Variants in NRXN1 observed in about 807,000 individuals in gnomAD.
The protein encoded by NRXN1 is neurexin-1.
In NRXN1, 39 loss-of-function variants were observed where a neutral mutation model predicts 150.9. The ratio of observed to expected loss-of-function variants is 0.26; its 90% CI spans 0.20 to 0.34. The LOEUF (loss-of-function observed/expected upper bound fraction) is 0.34. Ranked by LOEUF, NRXN1 falls within the 10% of genes least tolerant of loss-of-function variation. The pLI is 1.00. For missense variants in NRXN1, 1,815 were observed against 1,949.9 expected (o/e 0.93, Z 1.30); for synonymous variants, 924 against 757.0 (o/e 1.22, Z -3.62).
chr2:50,463,338 A>C (rs1048381609), intron 17 of NRXN1, among the ~76,000 whole-genome samples: 2 of 151,852 alleles, frequency 1.3e-5, no homozygotes, highest in Non-Finnish European at 2.9e-5. Flanking sequence ...TTTGCTTTTG[A>C]ATATTGATTT....
intron 18 of NRXN1, among the ~76,000 whole-genome samples, chr2:50,141,625 C>T (rs190303327): frequency 9.3e-4 from 142 of 152,028 alleles, no homozygotes; most frequent in African/African-American, 3.3e-3. Context: ...GCCAAATAAA[C>T]ACGTTAAAGA....
chr2:50,515,355 CA>C (rs1443906297), intron 12 of NRXN1, among the ~76,000 whole-genome samples: 2 of 152,054 alleles, frequency 1.3e-5, no homozygotes, highest in African/African-American at 4.8e-5. Context: ...TTATATATTA[CA>C]ATGTAATAGT....
At chr2:50,887,974 A>G (rs1183982683) in intron 5 of NRXN1, among the ~76,000 whole-genome samples, 1 of 151,308 alleles carries the variant, frequency 6.6e-6, no homozygotes, top group Non-Finnish European at 1.5e-5. Context: ...AAAAAAAAAA[A>G]AAAGTAGAAG....
At chr2:50,734,718 A>C (rs1466228834) in intron 5 of NRXN1, among the ~76,000 whole-genome samples, 1 of 152,122 alleles carries the variant, frequency 6.6e-6, no homozygotes, top group Non-Finnish European at 1.5e-5. Flanking sequence ...CTAGGAAAAA[A>C]AAAAAATAAA....
At chr2:50,874,956 AC>A (rs1678352717) in intron 5 of NRXN1, among the ~76,000 whole-genome samples, 1 of 151,856 alleles carries the variant, frequency 6.6e-6, no homozygotes, top group Admixed American at 6.6e-5. Flanking sequence ...AACCACAATT[AC>A]AAAGTATGTA....
At chr2:50,950,538 G>A (rs2104578911) in intron 2 of NRXN1, among the ~76,000 whole-genome samples, 1 of 152,212 alleles carries the variant, frequency 6.6e-6, no homozygotes, top group African/African-American at 2.4e-5. Context: ...TCTCACCTTT[G>A]TTGCTATTAA....
intron 17 of NRXN1, among the ~76,000 whole-genome samples, chr2:50,371,223 C>A (rs573644036): frequency 1.9e-4 from 29 of 152,102 alleles, no homozygotes; most frequent in Non-Finnish European, 4.0e-4. Context: ...CCCACACAAA[C>A]CTTCTGTGCT....
chr2:50,244,288 T>A (rs1338038474), intron 17 of NRXN1, among the ~76,000 whole-genome samples: 1 of 151,788 alleles, frequency 6.6e-6, no homozygotes, highest in Non-Finnish European at 1.5e-5. Flanking sequence ...CTTGTCAATA[T>A]CCTAGACATT....
chr2:50,788,472 C>G (rs781777566), intron 5 of NRXN1, among the ~76,000 whole-genome samples: 2 of 152,020 alleles, frequency 1.3e-5, no homozygotes, highest in Non-Finnish European at 2.9e-5. Context: ...AAACTTGTTT[C>G]CATGAGTCTG....
rs372713082 is a variant in NRXN1, at chr2:50,497,740, A to G, written c.2498-26T>C. The G allele has an allele frequency of 1.9e-6, 3 of 1,562,530 alleles. No homozygotes were observed. In the African/African-American group the frequency reaches 4.1e-5, roughly 21 times the overall value. The stretch of plus-strand genomic sequence containing the variant: ...CTAAAAGAGAAGATAATATATGATT[A>G]TTTTCTGTATCTGAAAGGCACTTTC... On this transcript the variant is annotated intron_variant, in intron 13 of 22. Coordinates refer to ENST00000401669, the MANE Select transcript of NRXN1 (RefSeq NM_001330078.2).
intron 2 of NRXN1, among the ~76,000 whole-genome samples, chr2:51,005,336 T>C (rs1365790210): frequency 1.3e-5 from 2 of 152,070 alleles, no homozygotes; most frequent in African/African-American, 4.8e-5. Flanking sequence ...AGATATATAC[T>C]GATATTTCTA....
chr2:50,487,052 C>A (rs972534120), intron 15 of NRXN1, among the ~76,000 whole-genome samples: 6 of 152,122 alleles, frequency 3.9e-5, no homozygotes, highest in African/African-American at 1.4e-4. Flanking sequence ...AGATGCTTAA[C>A]CTCCCCAAGC....
intron 18 of NRXN1, among the ~76,000 whole-genome samples, chr2:50,142,490 T>C (rs937286758): frequency 2.2e-4 from 34 of 152,028 alleles, no homozygotes; most frequent in African/African-American, 7.9e-4. Context: ...ATAAAAATGA[T>C]AAAAGCTCAA....
At chr2:50,352,125 T>C (rs566765887) in intron 17 of NRXN1, among the ~76,000 whole-genome samples, 19 of 152,254 alleles carry the variant, frequency 1.2e-4, no homozygotes, top group African/African-American at 4.3e-4. Flanking sequence ...TCACGCCTGA[T>C]GATTTATCAT....
intron 17 of NRXN1, among the ~76,000 whole-genome samples, chr2:50,449,286 C>T (rs1245544856): frequency 6.6e-6 from 1 of 152,172 alleles, no homozygotes; most frequent in African/African-American, 2.4e-5. Context: ...AAAGTGAATC[C>T]ATACAGAATT....
intron 17 of NRXN1, among the ~76,000 whole-genome samples, chr2:50,384,241 T>C (rs1271851493): frequency 6.6e-6 from 1 of 152,140 alleles, no homozygotes; most frequent in Non-Finnish European, 1.5e-5. Flanking sequence ...GTGCGGTGGC[T>C]CATGCCTGTA....
chr2:49,954,330 T>C (rs1674539367), intron 21 of NRXN1, among the ~76,000 whole-genome samples: 1 of 152,228 alleles, frequency 6.6e-6, no homozygotes, highest in Middle Eastern at 3.4e-3. Flanking sequence ...AGCACCAATC[T>C]ATGTCTGGCA....
intron 5 of NRXN1, among the ~76,000 whole-genome samples, chr2:50,664,387 A>C (rs1358670304): frequency 7.5e-6 from 1 of 132,480 alleles, no homozygotes; most frequent in Non-Finnish European, 1.6e-5. Context: ...GAGAATTCAA[A>C]GTTTAAAGCG....
chr2:50,961,790 A>G (rs2104697056), intron 2 of NRXN1, among the ~76,000 whole-genome samples: 1 of 151,840 alleles, frequency 6.6e-6, no homozygotes, highest in Middle Eastern at 3.4e-3. Flanking sequence ...ATCAGGGTCA[A>G]CAAGGAGGGA....
Sources: gnomAD v4.1 joint callset for allele counts (sites outside exome capture counted in the v4.1 genomes callset) on GRCh38, gnomAD v4.1.1 for gene constraint, MANE v1.5 for transcripts, NCBI Gene and HGNC (gene_info 2026-07-23, HGNC 2026-07-21) for gene names.